Variants in FARP2 observed in about 807,000 individuals in gnomAD.
FARP2 encodes the protein FERM, ARHGEF and pleckstrin domain-containing protein 2.
FARP2 carries 111 observed loss-of-function variants against 130.5 expected under a neutral mutation model. That is an observed-to-expected ratio of 0.85 (90% confidence interval 0.73 to 1.00). The LOEUF is 1.00. FARP2 is among the 50% of genes least tolerant of loss of function. FARP2 has a pLI of 0.00. For missense variants in FARP2, 1,385 were observed against 1,346.3 expected, an observed-to-expected ratio of 1.03 and a Z score of -0.45; for synonymous variants, 504 against 516.9, an observed-to-expected ratio of 0.98 and a Z score of 0.34.
intron 17 of FARP2, chr2:241,465,930 G>A (rs2064157557): frequency 6.3e-6 from 9 of 1,421,798 alleles, no homozygotes; most frequent in Admixed American, 2.8e-5. Flanking sequence ...TTCCTGCCTC[G>A]ACGGAAGCTG....
intron 1 of FARP2, among the ~76,000 whole-genome samples, chr2:241,364,981 A>G (rs1016900617): frequency 6.6e-6 from 1 of 152,168 alleles, no homozygotes; most frequent in Non-Finnish European, 1.5e-5. Context: ...CCCTGCACAA[A>G]TCAGGTCTGT....
rs2063096128 is a variant in FARP2 at position 241,431,713 on chromosome 2, A to G, written c.806A>G (p.Lys269Arg). 6.2e-7 allele frequency: 1 copy of G among 1,603,678 alleles called. No individual in the cohort carries two copies. Among genetic ancestry groups the G allele is most frequent in the African/African-American group, 1.3e-5 (1 of 74,648 alleles). Residue 269 changes from lysine (K) to arginine (R), a missense_variant, in exon 9 of 27, where the codon AAG (lysine) becomes AGG (arginine). Physicochemically the swap from Lys to Arg is conservative, Grantham distance 26. Transcript: ENST00000264042. ...TTKINTFNWS[K>R]VRKLSFKRKR... ...AAAATCAACACTTTCAACTGGTCCA[A>G]GGTCCGTAAACTAAGCTTCAAGAGG...
chr2:241,469,203 C>T (rs547385762), intron 18 of FARP2, among the ~76,000 whole-genome samples: 9 of 152,118 alleles, frequency 5.9e-5, no homozygotes, highest in Admixed American at 5.2e-4. Flanking sequence ...TCTCCTGCCT[C>T]AGCCTCCCAA....
At chr2:241,413,209 T>C (rs1284260481) in intron 6 of FARP2, 98 bp from the exon 7 acceptor site, 2 of 677,132 alleles carry the variant, frequency 3.0e-6, no homozygotes, top group Non-Finnish European at 4.9e-6. Context: ...TTGCTACAAA[T>C]TTGGGATAAT....
intron 13 of FARP2, among the ~76,000 whole-genome samples, chr2:241,451,685 A>G (rs1045884456): frequency 2.4e-4 from 37 of 152,192 alleles, no homozygotes; most frequent in African/African-American, 8.7e-4. Flanking sequence ...ATTATTTACC[A>G]TGTCAAGTAA....
intron 4 of FARP2, among the ~76,000 whole-genome samples, chr2:241,406,763 C>G (rs950845468): frequency 6.6e-6 from 1 of 151,972 alleles, no homozygotes; most frequent in Non-Finnish European, 1.5e-5. Context: ...TGCACCCAGC[C>G]TATTTAAATT....
chr2:241,433,104 A>G (rs145275854), intron 9 of FARP2, among the ~76,000 whole-genome samples: 230 of 152,008 alleles, frequency 1.5e-3, no homozygotes, highest in African/African-American at 4.3e-3. Flanking sequence ...ACGAAACACA[A>G]GTAAAAGCTG....
chr2:241,437,670 A>ATTTTTTTTTTTTTTTTTTTT (rs763025047), intron 12 of FARP2, among the ~76,000 whole-genome samples: 5 of 133,112 alleles, frequency 3.8e-5, no homozygotes, highest in Non-Finnish European at 6.3e-5. Context: ...TTATTTATTT[A>ATTTTTTTTTTTTTTTTTTTT]TTTTTTTTTT....
intron 2 of FARP2, among the ~76,000 whole-genome samples, chr2:241,393,776 C>T (rs2061964650): frequency 6.6e-6 from 1 of 152,164 alleles, no homozygotes; most frequent in Non-Finnish European, 1.5e-5. Flanking sequence ...TTCATCTAGA[C>T]ACAACCTTTA....
intron 13 of FARP2, chr2:241,442,659 T>C (rs981654043): frequency 2.9e-6 from 1 of 341,896 alleles, no homozygotes; most frequent in Admixed American, 4.0e-5. Context: ...TTTTTTTTAA[T>C]TTCCTGATTT....
chr2:241,439,376 C>T (rs1469147656), intron 12 of FARP2, among the ~76,000 whole-genome samples: 1 of 151,882 alleles, frequency 6.6e-6, no homozygotes, highest in Non-Finnish European at 1.5e-5. Context: ...GTTGCCCAGG[C>T]TGGAGTGCAG....
chr2:241,360,233 A>G (rs1307829387), intron 1 of FARP2, among the ~76,000 whole-genome samples: 3 of 152,188 alleles, frequency 2.0e-5, no homozygotes, highest in East Asian at 1.9e-4. Flanking sequence ...AATTAATCAG[A>G]TTTCTTCTGA....
Position 241,413,439 on chromosome 2 carries a change from T to C in FARP2, c.623+18T>C, listed in dbSNP as rs751938628. On this transcript the variant is annotated intron_variant, in intron 7 of 26. Transcript: ENST00000264042. ...AAGCACGTGTAAGTCATCACAATTG[T>C]CTGTCAACACATTGTCACCACAGTA... 1 of 1,495,046 alleles carries C rather than the reference T, an allele frequency of 6.7e-7. No individual in the cohort carries two copies. Among genetic ancestry groups the C allele is most frequent in the South Asian group, 1.2e-5 (1 of 86,024 alleles). The allele number at this position is 1,495,046 out of a possible 1,614,324, so 92.6% of individuals were successfully genotyped here.
chr2:241,416,530 G>T (rs1313344135), intron 7 of FARP2, among the ~76,000 whole-genome samples: 1 of 152,012 alleles, frequency 6.6e-6, no homozygotes, highest in African/African-American at 2.4e-5. Context: ...TTATGATTCT[G>T]ATGGTTCTTC....
intron 17 of FARP2, chr2:241,466,151 C>T (rs929392538): frequency 9.3e-7 from 1 of 1,069,848 alleles, no homozygotes; most frequent in Non-Finnish European, 1.1e-6. Flanking sequence ...GTGTCAGAGG[C>T]CAAGACCCCA....
rs1197628117 is a variant in FARP2, at chr2:241,428,154, GT to G, written c.772-3521del. Among the ~76,000 whole-genome samples, 34 of 150,638 alleles carry G rather than the reference GT, an allele frequency of 2.3e-4. 1 individual carries two copies. The South Asian group carries it at 6.7e-3, about 30-fold the overall frequency. On this transcript the variant is annotated intron_variant, in intron 8 of 26. Coordinates refer to ENST00000264042, the MANE Select transcript of FARP2 (RefSeq NM_014808.4). ...GGGGATTTTGTTTCCTTTTGTTGATGTTTTGTTTTGCTTTGTTTTTGAGAAT... is the reference window on the plus strand; with the variant it reads ...GGGGATTTTGTTTCCTTTTGTTGATGTTTGTTTTGCTTTGTTTTTGAGAAT...
intron 1 of FARP2, among the ~76,000 whole-genome samples, chr2:241,366,138 T>TATATATACGTATATATATATAC (rs1491421503): frequency 3.0e-4 from 41 of 138,436 alleles, no homozygotes; most frequent in Admixed American, 7.9e-4. Context: ...TATATATATA[T>TATATATACGTATATATATATAC]ACACACACAC....
chr2:241,386,935 A>G lies in FARP2; in HGVS notation c.183+13645A>G, dbSNP rs189841548. On this transcript the variant is annotated intron_variant, in intron 2 of 26. Transcript: ENST00000264042. ...CTTTTTGGCCTAAATTCAACCTTATATTCAACCATGTAACCAAGGTCCCCT... is the reference window on the plus strand; with the variant it reads ...CTTTTTGGCCTAAATTCAACCTTATGTTCAACCATGTAACCAAGGTCCCCT... The G allele has an allele frequency of 4.7e-4, 71 of 152,374 alleles. No individual in the cohort carries two copies. The East Asian group carries it at 0.013, about 29-fold the overall frequency. The allele number at this position is 152,374 out of a possible 1,614,324, so 9.4% of individuals were successfully genotyped here.
intron 21 of FARP2, among the ~76,000 whole-genome samples, chr2:241,486,475 A>AC (rs1168676028): frequency 7.2e-6 from 1 of 139,538 alleles, no homozygotes; most frequent in African/African-American, 2.6e-5. Flanking sequence ...AAAAAAAAAA[A>AC]AAAAAAAAAA....
Sources: gnomAD v4.1 joint callset for allele counts (sites outside exome capture counted in the v4.1 genomes callset) on GRCh38, gnomAD v4.1.1 for gene constraint, MANE v1.5 for transcripts, NCBI Gene and HGNC (gene_info 2026-07-23, HGNC 2026-07-21) for gene names.